The following XPO6 variants were observed in gnomAD, a reference collection of about 807,000 sequenced individuals.
XPO6 encodes exportin 6, also known as exportin-6.
In XPO6, 3 loss-of-function variants were observed where a neutral mutation model predicts 130.0. That is an observed-to-expected ratio of 0.02 (90% CI 0.01 to 0.06). The LOEUF is 0.06. XPO6 is among the 10% of genes least tolerant of loss of function. The pLI is 1.00. For missense variants in XPO6, 970 were observed against 1,393.0 expected, an observed-to-expected ratio of 0.70 and a Z score of 4.83; for synonymous variants, 524 against 548.9, an observed-to-expected ratio of 0.95 and a Z score of 0.63.
intron 9 of XPO6, among the ~76,000 whole-genome samples, chr16:28,140,541 G>A (rs2042870925): frequency 6.6e-6 from 1 of 151,898 alleles, no homozygotes. Context: ...AGCTGAGTGT[G>A]GTGGTTTGTG....
At chr16:28,139,728 A>G (rs962169666) in intron 9 of XPO6, among the ~76,000 whole-genome samples, 2 of 152,228 alleles carry the variant, frequency 1.3e-5, no homozygotes, top group Admixed American at 6.5e-5. Context: ...TGTAATACCC[A>G]GAGCAACCAC....
chr16:28,201,173 T>G (rs1315244428), intron 1 of XPO6, among the ~76,000 whole-genome samples: 1 of 152,064 alleles, frequency 6.6e-6, no homozygotes, highest in Admixed American at 6.6e-5. Flanking sequence ...GCTGCCCATC[T>G]CCACCCACCG....
In XPO6 at chr16:28,132,683, T is replaced by C. The variant is rs1596841875; in HGVS notation, c.1537-280A>G. ...AAAAAAAAAAAAGCAAAGGACACTG[T>C]GGTATGACTCTTACGTTCCTAATAG... On this transcript the variant is annotated intron_variant, in intron 11 of 23. Coordinates refer to ENST00000304658, the MANE Select transcript of XPO6 (RefSeq NM_015171.4). The surrounding 1 kb of genome is among the most constrained non-coding windows in gnomAD (Gnocchi z 4.0). Among the ~76,000 whole-genome samples, 1 of 149,680 alleles carries C rather than the reference T, an allele frequency of 6.7e-6. No individual in the cohort carries two copies. Among genetic ancestry groups the C allele is most frequent in the Admixed American group, 6.7e-5 (1 of 15,032 alleles).
At chr16:28,103,792 C>T (rs113577966) in intron 21 of XPO6, among the ~76,000 whole-genome samples, 4,404 of 152,240 alleles carry the variant, frequency 0.029, 307 homozygotes, top group East Asian at 0.17. Context: ...TGTGTGTGTG[C>T]GCGCGCATGC....
At position 28,106,415 on chromosome 16, in the gene XPO6, T is replaced by C; in HGVS notation, c.2580A>G (p.Gln860=). 1 of 1,614,188 alleles carries C rather than the reference T, an allele frequency of 6.2e-7. No homozygotes were observed. The highest frequency in any genetic ancestry group is 8.5e-7 in the Non-Finnish European group (1 of 1,180,022). Residue 860 remains glutamine, a synonymous_variant, in exon 19 of 24, where the codon CAA becomes CAG. Coordinates refer to ENST00000304658, the MANE Select transcript of XPO6 (RefSeq NM_015171.4). This position sits in a 1 kb window ranked among gnomAD's most constrained non-coding sequence, Gnocchi z 4.2. ...RVQMGVPFTE[Q]IIQTFLNMFT... ...ACATGTTGAGGAAAGTCTGTATGATTTGCTCAGTGAAAGGCACACCCATCT... is the reference window on the plus strand; with the variant it reads ...ACATGTTGAGGAAAGTCTGTATGATCTGCTCAGTGAAAGGCACACCCATCT...
At chr16:28,208,939 G>T (rs1044875121) in intron 1 of XPO6, 1 of 152,152 alleles carries the variant, frequency 6.6e-6, no homozygotes, top group African/African-American at 2.4e-5. Context: ...AGCAACCCAG[G>T]TATCCACCGA....
At chr16:28,122,034 T>C (rs1172265774) in intron 13 of XPO6, among the ~76,000 whole-genome samples, 2 of 151,960 alleles carry the variant, frequency 1.3e-5, no homozygotes, top group African/African-American at 4.9e-5. Flanking sequence ...TACAATGCAA[T>C]ATATACAATA....
At chr16:28,187,835 C>T (rs548047180) in intron 1 of XPO6, among the ~76,000 whole-genome samples, 1 of 151,962 alleles carries the variant, frequency 6.6e-6, no homozygotes, top group Admixed American at 6.6e-5. Flanking sequence ...ATTGAAGATA[C>T]ATGTGACTCT....
chr16:28,158,434 A>C (rs747129175), intron 6 of XPO6, among the ~76,000 whole-genome samples: 7 of 152,334 alleles, frequency 4.6e-5, no homozygotes, highest in East Asian at 1.9e-4. Flanking sequence ...CTGTAAAACA[A>C]CACCACTCTT....
chr16:28,150,113 T>G (rs1399475562), intron 8 of XPO6, among the ~76,000 whole-genome samples: 1 of 152,198 alleles, frequency 6.6e-6, no homozygotes, highest in Non-Finnish European at 1.5e-5. Flanking sequence ...GCTGGGACAG[T>G]GTACCTTTCA....
At position 28,169,919 on chromosome 16, in the gene XPO6, A is replaced by T; in HGVS notation, c.406-10T>A. The T allele has an allele frequency of 6.2e-7, 1 of 1,613,966 alleles. No individual in the cohort carries two copies. The highest frequency in any genetic ancestry group is 8.5e-7 in the Non-Finnish European group (1 of 1,179,860). ...CAGGGGACTGGATCAACTGCCAGGA[A>T]AAAGCATGTTCTGAGCAGAGTGTTG... On this transcript the variant is annotated splice_polypyrimidine_tract_variant and intron_variant, in intron 4 of 23. Transcript: ENST00000304658.
intron 2 of XPO6, 43 bp downstream of exon 2, chr16:28,180,895 GCCT>G (rs2043604925): frequency 1.3e-6 from 2 of 1,499,892 alleles, no homozygotes; most frequent in South Asian, 2.3e-5. Flanking sequence ...CCCTACCAGG[GCCT>G]CCTCATTATA....
chr16:28,209,142 A>G (rs2044082666), intron 1 of XPO6: 1 of 152,214 alleles, frequency 6.6e-6, no homozygotes, highest in Admixed American at 6.5e-5. Flanking sequence ...TCAAATTCAT[A>G]GAAATAGAAA....
In XPO6 at chr16:28,101,143, G is replaced by A. The variant is rs1339640859; in HGVS notation, c.3276+315C>T. On this transcript the variant is annotated intron_variant, in intron 23 of 23. Coordinates refer to ENST00000304658, the MANE Select transcript of XPO6 (RefSeq NM_015171.4). This position sits in a 1 kb window ranked among gnomAD's most constrained non-coding sequence, Gnocchi z 5.4. The stretch of plus-strand genomic sequence containing the variant: ...GGCCCCACCGGGGCTCATCACCCAG[G>A]AGGGAGAACGGCAGGGTCCTGGGTA... The A allele has an allele frequency of 1.6e-5, 7 of 433,626 alleles. No homozygotes were observed. Among genetic ancestry groups the A allele is most frequent in the Non-Finnish European group, 3.0e-5 (7 of 230,722 alleles). The allele number at this position is 433,626 out of a possible 1,614,324, so 26.9% of individuals were successfully genotyped here. A position where few individuals can be genotyped will look rare whatever the true frequency, so the allele number is the denominator to read the frequency against.
At chr16:28,150,389 C>T (rs989540699) in intron 8 of XPO6, among the ~76,000 whole-genome samples, 6 of 151,944 alleles carry the variant, frequency 3.9e-5, no homozygotes, top group Non-Finnish European at 8.8e-5. Context: ...ATTTTCAATT[C>T]GATGACACAT....
intron 12 of XPO6, chr16:28,126,901 G>A: frequency 6.6e-6 from 1 of 152,426 alleles, no homozygotes; most frequent in Non-Finnish European, 1.5e-5. Context: ...TTCCACACCT[G>A]CTCCCTCCCC....
chr16:28,167,330 T>C, intron 5 of XPO6: 2 of 985,440 alleles, frequency 2.0e-6, no homozygotes, highest in Non-Finnish European at 2.4e-6. Context: ...CCTTTTTCGT[T>C]CCTCATGCAG....
chr16:28,173,544 A>G (rs115961671), intron 4 of XPO6, among the ~76,000 whole-genome samples: 2,428 of 152,290 alleles, frequency 0.016, 34 homozygotes, highest in African/African-American at 0.047. Context: ...AGAAGTCAAG[A>G]CCAGCCTAGG....
chr16:28,111,779 C>T (rs1194668171), intron 17 of XPO6, 38 bp downstream of exon 17: 1 of 1,602,794 alleles, frequency 6.2e-7, no homozygotes, highest in Non-Finnish European at 8.5e-7. Flanking sequence ...TGCCTGCCTA[C>T]CTCCTTCCCC....
Sources: gnomAD v4.1 joint callset for allele counts (sites outside exome capture counted in the v4.1 genomes callset) on GRCh38, gnomAD v4.1.1 for gene constraint, Gnocchi (gnomAD v3.1) non-coding constraint, MANE v1.5 for transcripts, NCBI Gene and HGNC (gene_info 2026-07-23, HGNC 2026-07-21) for gene names.